The following SAMD12 variants were observed in gnomAD, a reference collection of about 807,000 sequenced individuals.
The protein encoded by SAMD12 is sterile alpha motif domain-containing protein 12.
SAMD12 carries 9 observed loss-of-function variants against 15.0 expected under a neutral mutation model. That is an observed-to-expected ratio of 0.60 (90% CI 0.36 to 1.05). The LOEUF (loss-of-function observed/expected upper bound fraction) is 1.05. Ranked by LOEUF, SAMD12 falls within the 50% of genes least tolerant of loss-of-function variation. The pLI is 0.01. For missense variants in SAMD12, 230 were observed against 234.2 expected, an observed-to-expected ratio of 0.98 and a Z score of 0.12; for synonymous variants, 86 against 90.1, an observed-to-expected ratio of 0.96 and a Z score of 0.25.
intron 4 of SAMD12, among the ~76,000 whole-genome samples, chr8:118,248,251 C>G (rs2451122): frequency 0.076 from 11,545 of 152,238 alleles, 562 homozygotes; most frequent in East Asian, 0.25. Flanking sequence ...CAAAACACTA[C>G]TATTCCACTT....
the SAMD12 span, among the ~76,000 whole-genome samples, chr8:118,145,161 T>C: frequency 1.3e-5 from 2 of 152,182 alleles, no homozygotes; most frequent in East Asian, 3.9e-4. Flanking sequence ...TAAATAACAG[T>C]TTTATAGCTG....
intron 4 of SAMD12, among the ~76,000 whole-genome samples, chr8:118,274,013 T>C (rs4093060): frequency 0.42 from 63,946 of 152,048 alleles, 16,141 homozygotes; most frequent in African/African-American, 0.71. Flanking sequence ...TATTAGTTAA[T>C]GTTTATTTGG....
At chr8:118,425,837 G>A (rs1202952714) in intron 3 of SAMD12, among the ~76,000 whole-genome samples, 1 of 152,162 alleles carries the variant, frequency 6.6e-6, no homozygotes, top group Non-Finnish European at 1.5e-5. Flanking sequence ...TGAAAAGAGT[G>A]TCTTGTCCAT....
chr8:118,247,307 G>A (rs992757136), intron 4 of SAMD12, among the ~76,000 whole-genome samples: 4 of 152,018 alleles, frequency 2.6e-5, no homozygotes, highest in Non-Finnish European at 1.5e-5. Flanking sequence ...AAGATACAGA[G>A]TTTCAGTTAT....
At chr8:118,489,260 G>A (rs1824371762) in intron 2 of SAMD12, among the ~76,000 whole-genome samples, 1 of 152,036 alleles carries the variant, frequency 6.6e-6, no homozygotes, top group Admixed American at 6.6e-5. Flanking sequence ...CTGGATTTAT[G>A]TATTGCAAAT....
At chr8:118,147,943 C>CA in the SAMD12 span, among the ~76,000 whole-genome samples, 1 of 142,646 alleles carries the variant, frequency 7.0e-6, no homozygotes, top group Non-Finnish European at 1.5e-5. Context: ...GAGATAGAGC[C>CA]TTTTTTTTTT....
chr8:118,529,589 C>T (rs1002977470), intron 2 of SAMD12, among the ~76,000 whole-genome samples: 1 of 152,140 alleles, frequency 6.6e-6, no homozygotes, highest in African/African-American at 2.4e-5. Flanking sequence ...TTATTCCACT[C>T]TCTAGGTCAA....
intron 4 of SAMD12, among the ~76,000 whole-genome samples, chr8:118,236,470 G>A (rs1454283766): frequency 6.6e-6 from 1 of 152,138 alleles, no homozygotes; most frequent in Non-Finnish European, 1.5e-5. Flanking sequence ...TTTAGGACGG[G>A]GCAATTCAGG....
At chr8:118,503,565 G>A (rs1222575240) in intron 2 of SAMD12, among the ~76,000 whole-genome samples, 1 of 152,118 alleles carries the variant, frequency 6.6e-6, no homozygotes, top group Non-Finnish European at 1.5e-5. Context: ...TCCACAGATA[G>A]GTGGCCACTT....
intron 3 of SAMD12, among the ~76,000 whole-genome samples, chr8:118,422,974 G>C (rs1040138674): frequency 6.6e-6 from 1 of 151,920 alleles, no homozygotes; most frequent in Non-Finnish European, 1.5e-5. Context: ...TTTTTTCCTC[G>C]ACCAGCCTGG....
chr8:118,406,890 TTGTGTGTGTG>T (rs3052708), intron 3 of SAMD12, among the ~76,000 whole-genome samples: 5 of 147,330 alleles, frequency 3.4e-5, no homozygotes, highest in African/African-American at 1.0e-4. Context: ...CAATATTCCA[TTGTGTGTGTG>T]TGTGTGTGTG....
intron 2 of SAMD12, among the ~76,000 whole-genome samples, chr8:118,443,230 G>C (rs925920175): frequency 6.6e-6 from 1 of 152,168 alleles, no homozygotes; most frequent in African/African-American, 2.4e-5. Context: ...TTGGGAGGCT[G>C]AGGCAGGCAG....
At chr8:118,605,740 G>C (rs1396901349) in intron 1 of SAMD12, among the ~76,000 whole-genome samples, 6 of 116,064 alleles carry the variant, frequency 5.2e-5, no homozygotes, top group African/African-American at 1.5e-4. Context: ...ACAACAACCA[G>C]TATGGCTGAA....
intron 4 of SAMD12, among the ~76,000 whole-genome samples, chr8:118,347,375 A>T (rs1817717605): frequency 6.6e-6 from 1 of 152,208 alleles, no homozygotes; most frequent in South Asian, 2.1e-4. Flanking sequence ...GGAGTGTGGG[A>T]ACCCTCCCAA....
At chr8:118,615,708 C>A (rs887737929) in intron 1 of SAMD12, among the ~76,000 whole-genome samples, 1 of 152,200 alleles carries the variant, frequency 6.6e-6, no homozygotes, top group African/African-American at 2.4e-5. Flanking sequence ...ACAGCTACAC[C>A]AGCAAAGGTT....
chr8:118,584,265 C>CT (rs1374000124), intron 1 of SAMD12, among the ~76,000 whole-genome samples: 1 of 152,134 alleles, frequency 6.6e-6, no homozygotes, highest in Admixed American at 6.5e-5. Flanking sequence ...ATAGACTTTG[C>CT]TTTGTTTTCC....
intron 4 of SAMD12, among the ~76,000 whole-genome samples, chr8:118,343,003 G>A (rs183834482): frequency 6.6e-6 from 1 of 152,246 alleles, no homozygotes; most frequent in East Asian, 1.9e-4. Flanking sequence ...GTAGGAAATA[G>A]GGTTCTAGCT....
chr8:118,210,938 G>A (rs577863797), intron 4 of SAMD12, among the ~76,000 whole-genome samples: 2 of 152,274 alleles, frequency 1.3e-5, no homozygotes, highest in African/African-American at 4.8e-5. Flanking sequence ...GCTGTCCTAG[G>A]CACTGTGCTA....
intron 4 of SAMD12, among the ~76,000 whole-genome samples, chr8:118,366,904 TAA>T (rs1183150433): frequency 3.9e-4 from 35 of 89,838 alleles, no homozygotes; most frequent in Middle Eastern, 5.9e-3. Context: ...TAAAATAAAA[TAA>T]AATAAAATAA....
Sources: allele counts gnomAD v4.1 joint callset (sites outside exome capture counted in the v4.1 genomes callset), GRCh38; gene constraint gnomAD v4.1.1; transcripts MANE v1.5; gene names NCBI Gene and HGNC (gene_info 2026-07-23, HGNC 2026-07-21).